The following TSPAN9 variants were observed in gnomAD, a reference collection of about 807,000 sequenced individuals.
TSPAN9 encodes the protein tetraspanin-9.
In TSPAN9, 16 loss-of-function variants were observed where a neutral mutation model predicts 31.0. The ratio of observed to expected loss-of-function variants is 0.52; its 90% confidence interval spans 0.35 to 0.78. The LOEUF (loss-of-function observed/expected upper bound fraction) is 0.78, where lower values mean the gene tolerates loss of function less well. Among genes scored for constraint, TSPAN9 ranks in the 30% least tolerant of loss-of-function variants. TSPAN9 has a pLI of 0.01. For synonymous variants in TSPAN9, 145 were observed against 121.6 expected (o/e 1.19, Z -1.27); for missense variants, 272 against 312.5 (o/e 0.87, Z 0.98).
chr12:3,182,776 T>C (rs2098359127), intron 2 of TSPAN9, among the ~76,000 whole-genome samples: 1 of 152,122 alleles, frequency 6.6e-6, no homozygotes, highest in African/African-American at 2.4e-5. Context: ...GACTGGGCCA[T>C]CAGCCTGAGA....
In TSPAN9 at chr12:3,245,221, G is replaced by T. The variant is rs576664804; in HGVS notation, c.64-33200G>T. 1.3e-5 allele frequency among the ~76,000 whole-genome samples: 2 copies of T among 152,332 alleles called. 1 individual carries two copies. The highest frequency in any genetic ancestry group is 4.1e-4 in the South Asian group (2 of 4,824). On this transcript the variant is annotated intron_variant, in intron 3 of 8. Transcript: ENST00000011898. ...CGAGTGAGCAGGTGCCTGGACCAAA[G>T]CACGTTTCTTGCACCTGCCAGCCGG...
At chr12:3,206,376 C>T (rs746587160) in intron 3 of TSPAN9, 10 of 455,882 alleles carry the variant, frequency 2.2e-5, no homozygotes, top group Admixed American at 1.4e-4. Flanking sequence ...TCATCTGGCT[C>T]GTCCTGCGCT....
intron 7 of TSPAN9, 72 bp downstream of exon 7, chr12:3,281,401 G>T: frequency 6.8e-7 from 1 of 1,481,474 alleles, no homozygotes; most frequent in South Asian, 1.4e-5. Flanking sequence ...AGCCCTATAG[G>T]GGAGGCTGGG....
At chr12:3,179,628 G>C (rs891049559) in intron 2 of TSPAN9, among the ~76,000 whole-genome samples, 3 of 152,116 alleles carry the variant, frequency 2.0e-5, no homozygotes, top group African/African-American at 7.2e-5. Flanking sequence ...TAATAGGTTA[G>C]GAAGGTATAG....
At chr12:3,181,678 G>A (rs560471694) in intron 2 of TSPAN9, among the ~76,000 whole-genome samples, 41 of 152,224 alleles carry the variant, frequency 2.7e-4, no homozygotes, top group African/African-American at 8.2e-4. Flanking sequence ...TAAGTGACAC[G>A]CCCAAAGTCA....
chr12:3,280,696 C>T lies in TSPAN9; in HGVS notation c.432+213C>T, dbSNP rs551823202. ...GGGAGGGATGAGGATACAGGAGGGG[C>T]AGGCCTGAGAGAGCTGTGGCTGAGC... On this transcript the variant is annotated intron_variant, in intron 6 of 8. Coordinates refer to ENST00000011898, the MANE Select transcript of TSPAN9 (RefSeq NM_006675.5). This position sits in a 1 kb window ranked among gnomAD's most constrained non-coding sequence, Gnocchi z 4.5. Among the ~76,000 whole-genome samples, 8 of 152,312 alleles carry T rather than the reference C, an allele frequency of 5.3e-5. No homozygotes were observed. In the East Asian group the frequency reaches 1.2e-3, roughly 22 times the overall value.
intron 3 of TSPAN9, among the ~76,000 whole-genome samples, chr12:3,204,451 C>T (rs1638732169): frequency 6.6e-6 from 1 of 152,174 alleles, no homozygotes; most frequent in Non-Finnish European, 1.5e-5. Context: ...AGCCACACAG[C>T]CCATGGTCCT....
At chr12:3,085,791 T>C (rs1455148599) in intron 2 of TSPAN9, among the ~76,000 whole-genome samples, 1 of 152,222 alleles carries the variant, frequency 6.6e-6, no homozygotes, top group Non-Finnish European at 1.5e-5. Flanking sequence ...GTCCTGGGCC[T>C]GCCTTCTGCC....
chr12:3,104,475 C>G (rs2098313316), intron 2 of TSPAN9, among the ~76,000 whole-genome samples: 1 of 152,128 alleles, frequency 6.6e-6, no homozygotes, highest in African/African-American at 2.4e-5. Context: ...ACCTCAGCCT[C>G]CTGAGTAGCT....
chr12:3,083,607 G>C (rs2098298981), intron 1 of TSPAN9, 46 bp from the exon 2 acceptor site: 1 of 152,234 alleles, frequency 6.6e-6, no homozygotes. Flanking sequence ...TCACCCTGGA[G>C]TGGCTTCTTA....
chr12:3,115,032 C>T (rs1305064382), intron 2 of TSPAN9, among the ~76,000 whole-genome samples: 1 of 151,836 alleles, frequency 6.6e-6, no homozygotes, highest in African/African-American at 2.4e-5. Context: ...TTTTTATCAC[C>T]CCCAAAAGAA....
intron 2 of TSPAN9, among the ~76,000 whole-genome samples, chr12:3,193,509 G>C (rs959501197): frequency 3.3e-5 from 5 of 152,236 alleles, no homozygotes; most frequent in Non-Finnish European, 7.3e-5. Flanking sequence ...GTCGTGGGTA[G>C]ACTGTACACA....
chr12:3,133,590 A>G (rs1307854235), intron 2 of TSPAN9, among the ~76,000 whole-genome samples: 2 of 152,142 alleles, frequency 1.3e-5, no homozygotes, highest in Non-Finnish European at 2.9e-5. Context: ...GCTCCAAAAC[A>G]GACAACACCA....
intron 2 of TSPAN9, among the ~76,000 whole-genome samples, chr12:3,093,745 C>T (rs566462368): frequency 1.3e-5 from 2 of 152,306 alleles, no homozygotes; most frequent in Non-Finnish European, 2.9e-5. Context: ...CCTTAAAATG[C>T]CTCTTCACTA....
At chr12:3,089,400 G>A (rs1270597224) in intron 2 of TSPAN9, among the ~76,000 whole-genome samples, 3 of 148,504 alleles carry the variant, frequency 2.0e-5, no homozygotes, top group Non-Finnish European at 4.5e-5. Context: ...TAGTTCAAGC[G>A]ATTCTCCTGC....
intron 2 of TSPAN9, 43 bp downstream of exon 2, chr12:3,083,762 C>T (rs1013835909): frequency 6.6e-6 from 1 of 152,210 alleles, no homozygotes; most frequent in Non-Finnish European, 1.5e-5. Context: ...GGCCTCTGAA[C>T]GTCTGTGTGT....
At chr12:3,154,185 G>T (rs1339823113) in intron 2 of TSPAN9, among the ~76,000 whole-genome samples, 1 of 152,172 alleles carries the variant, frequency 6.6e-6, no homozygotes, top group Non-Finnish European at 1.5e-5. Flanking sequence ...CCAGCCGGAA[G>T]TCAGGTGCCT....
At chr12:3,235,218 ATATATATATATATATATATATATATATAT>A (rs1424623411) in intron 3 of TSPAN9, among the ~76,000 whole-genome samples, 1 of 5,218 alleles carries the variant, frequency 1.9e-4, no homozygotes, top group African/African-American at 8.2e-4. Flanking sequence ...AAAAAAAAAA[ATATATATATATATATATATATATATATAT>A]ATATATATAT....
At chr12:3,092,083 C>T (rs1489375508) in intron 2 of TSPAN9, among the ~76,000 whole-genome samples, 1 of 152,238 alleles carries the variant, frequency 6.6e-6, no homozygotes, top group East Asian at 1.9e-4. Context: ...AAAGAAACCT[C>T]AGCAACTGCT....
Sources: gnomAD v4.1 joint callset for allele counts (sites outside exome capture counted in the v4.1 genomes callset) on GRCh38, gnomAD v4.1.1 for gene constraint, Gnocchi (gnomAD v3.1) non-coding constraint, MANE v1.5 for transcripts, NCBI Gene and HGNC (gene_info 2026-07-23, HGNC 2026-07-21) for gene names.